The following DMXL2 variants were observed in gnomAD, a reference collection of about 807,000 sequenced individuals.
DMXL2 encodes Dmx like 2.
DMXL2 carries 103 observed loss-of-function variants against 331.1 expected under a neutral mutation model. The ratio of observed to expected loss-of-function variants is 0.31; its 90% CI spans 0.27 to 0.37. DMXL2 has a LOEUF of 0.37. Among genes scored for constraint, DMXL2 ranks in the 10% least tolerant of loss-of-function variants. The probability of loss-of-function intolerance (pLI) is 1.00; values close to 1 mark genes in which losing one functional copy is unlikely to be tolerated. For synonymous variants in DMXL2, 1,281 were observed against 1,252.1 expected (o/e 1.02, Z -0.49); for missense variants, 3,171 against 3,642.9 (o/e 0.87, Z 3.33).
chr15:51,550,853 T>A (rs1029981859), intron 6 of DMXL2, among the ~76,000 whole-genome samples: 1 of 152,126 alleles, frequency 6.6e-6, no homozygotes, highest in Non-Finnish European at 1.5e-5. Flanking sequence ...CAGATAGAAA[T>A]TTAAAATACT....
intron 28 of DMXL2, among the ~76,000 whole-genome samples, chr15:51,472,728 C>G (rs540752065): frequency 1.3e-5 from 2 of 152,200 alleles, no homozygotes; most frequent in Non-Finnish European, 2.9e-5. Context: ...GAGTAACACT[C>G]CATTGCACGA....
At chr15:51,506,121 G>A (rs966045080) in intron 16 of DMXL2, among the ~76,000 whole-genome samples, 1 of 152,206 alleles carries the variant, frequency 6.6e-6, no homozygotes, top group Non-Finnish European at 1.5e-5. Context: ...CACTTAGGCT[G>A]GAGTGCGGTG....
At chr15:51,490,179 T>A (rs1018556098) in intron 20 of DMXL2, among the ~76,000 whole-genome samples, 1 of 152,230 alleles carries the variant, frequency 6.6e-6, no homozygotes, top group Non-Finnish European at 1.5e-5. Flanking sequence ...GATATTTTGT[T>A]GGCAGCCTTA....
At position 51,536,442 on chromosome 15, in the gene DMXL2, C is replaced by A; in HGVS notation, c.2038G>T (p.Asp680Tyr). The A allele has an allele frequency of 8.7e-6, 14 of 1,613,954 alleles. No individual in the cohort carries two copies. The highest frequency in any genetic ancestry group is 1.2e-5 in the Non-Finnish European group (14 of 1,179,948). The change falls in exon 12 of 44, where the codon GAT (aspartate) becomes TAT (tyrosine). Residue 680 changes from aspartate (D) to tyrosine (Y), a missense_variant. By Grantham distance (160) the Asp-to-Tyr change is radical. Coordinates refer to ENST00000560891, the MANE Select transcript of DMXL2 (RefSeq NM_001378457.1). ...HHNALLTPEL[D>Y]CQWDSDNKLS... ...TTATTGTCTGAGTCCCACTGACAAT[C>A]TAATTCAGGAGTCAATAGAGCATTA...
intron 1 of DMXL2, among the ~76,000 whole-genome samples, chr15:51,581,885 C>CA (rs935196280): frequency 4.9e-4 from 74 of 151,228 alleles, no homozygotes; most frequent in Admixed American, 9.9e-4. Flanking sequence ...CTTCAAAGAC[C>CA]AAAAAAAAGA....
intron 16 of DMXL2, among the ~76,000 whole-genome samples, chr15:51,506,612 C>T (rs1288482418): frequency 6.6e-6 from 1 of 152,024 alleles, no homozygotes; most frequent in South Asian, 2.1e-4. Flanking sequence ...CGCCACCACG[C>T]CCGGCTAATT....
At chr15:51,609,209 A>G (rs925807805) in intron 1 of DMXL2, among the ~76,000 whole-genome samples, 1 of 152,252 alleles carries the variant, frequency 6.6e-6, no homozygotes, top group Non-Finnish European at 1.5e-5. Flanking sequence ...TTCAAAAGAC[A>G]CAAGAAAGGA....
At chr15:51,450,697 C>A in intron 42 of DMXL2, 2 of 193,636 alleles carry the variant, frequency 1.0e-5, no homozygotes, top group Non-Finnish European at 2.2e-5. Context: ...CTGTACCGTA[C>A]AAAAAGTTCT....
chr15:51,451,358 T>A (rs1334132349), intron 42 of DMXL2, among the ~76,000 whole-genome samples: 1 of 152,260 alleles, frequency 6.6e-6, no homozygotes, highest in African/African-American at 2.4e-5. Context: ...ACTTTGCAAC[T>A]AATTTCTTAA....
chr15:51,587,718 G>C (rs2051963217), intron 1 of DMXL2, among the ~76,000 whole-genome samples: 1 of 152,190 alleles, frequency 6.6e-6, no homozygotes, highest in South Asian at 2.1e-4. Context: ...GGTATTTCTA[G>C]CTCTAGATCC....
intron 1 of DMXL2, among the ~76,000 whole-genome samples, chr15:51,609,093 ATAAGT>A (rs3078071): frequency 0.48 from 72,423 of 151,742 alleles, 17,621 homozygotes; most frequent in Non-Finnish European, 0.52. Flanking sequence ...AATAAGTGAA[ATAAGT>A]TAAGAATGCA....
intron 18 of DMXL2, among the ~76,000 whole-genome samples, chr15:51,497,919 G>C (rs1013601029): frequency 3.4e-5 from 5 of 148,472 alleles, no homozygotes; most frequent in African/African-American, 1.2e-4. Flanking sequence ...AAAATCATAG[G>C]GATCAATCTG....
intron 1 of DMXL2, among the ~76,000 whole-genome samples, chr15:51,595,641 G>A (rs1236505214): frequency 6.6e-6 from 1 of 152,310 alleles, no homozygotes; most frequent in African/African-American, 2.4e-5. Flanking sequence ...AACAAAGCTG[G>A]AGGCATCACG....
At chr15:51,517,763 T>C (rs1244770516) in intron 13 of DMXL2, among the ~76,000 whole-genome samples, 1 of 152,190 alleles carries the variant, frequency 6.6e-6, no homozygotes, top group Non-Finnish European at 1.5e-5. Flanking sequence ...TTACCACTTT[T>C]CACTACCTCA....
chr15:51,574,546 C>T (rs1343438949), intron 2 of DMXL2, among the ~76,000 whole-genome samples: 1 of 152,174 alleles, frequency 6.6e-6, no homozygotes, highest in African/African-American at 2.4e-5. Flanking sequence ...CAACAGAAAG[C>T]TACTTCAAAT....
chr15:51,593,020 A>C (rs1379853512), intron 1 of DMXL2, among the ~76,000 whole-genome samples: 1 of 152,226 alleles, frequency 6.6e-6, no homozygotes, highest in Non-Finnish European at 1.5e-5. Flanking sequence ...TGAGCAAAAT[A>C]ACCAGCTAAC....
At chr15:51,599,090 C>A (rs571268668) in intron 1 of DMXL2, among the ~76,000 whole-genome samples, 1 of 152,306 alleles carries the variant, frequency 6.6e-6, no homozygotes, top group Admixed American at 6.5e-5. Flanking sequence ...TTATAATCCA[C>A]TATCATTTAT....
intron 22 of DMXL2, among the ~76,000 whole-genome samples, chr15:51,487,207 A>C (rs2042455847): frequency 6.6e-6 from 1 of 152,112 alleles, no homozygotes; most frequent in African/African-American, 2.4e-5. Context: ...TTCTAATATA[A>C]TATTCTAATA....
At chr15:51,596,635 G>A (rs548819714) in intron 1 of DMXL2, among the ~76,000 whole-genome samples, 28 of 152,200 alleles carry the variant, frequency 1.8e-4, no homozygotes, top group African/African-American at 5.8e-4. Context: ...TGTTTACTGC[G>A]GCACTGTTCA....
Sources: allele counts gnomAD v4.1 joint callset (sites outside exome capture counted in the v4.1 genomes callset), GRCh38; gene constraint gnomAD v4.1.1; transcripts MANE v1.5; gene names NCBI Gene and HGNC (gene_info 2026-07-23, HGNC 2026-07-21).